KCTD16: variants seen among roughly 807,000 people sequenced by gnomAD.
KCTD16 encodes the protein potassium channel tetramerization domain containing 16, also known as BTB/POZ domain-containing protein KCTD16.
In KCTD16, 13 loss-of-function variants were observed where a neutral mutation model predicts 33.2. That is an observed-to-expected ratio of 0.39 (90% CI 0.25 to 0.62). The LOEUF (loss-of-function observed/expected upper bound fraction) is 0.62. Among genes scored for constraint, KCTD16 ranks in the 20% least tolerant of loss-of-function variants. KCTD16 has a pLI of 0.50. For missense variants in KCTD16, 441 were observed against 525.1 expected (o/e 0.84, Z 1.57); for synonymous variants, 197 against 195.3 (o/e 1.01, Z -0.07).
At chr5:144,329,448 T>G (rs1344693424) in intron 3 of KCTD16, among the ~76,000 whole-genome samples, 2 of 152,056 alleles carry the variant, frequency 1.3e-5, no homozygotes, top group African/African-American at 4.8e-5. Flanking sequence ...CCCAACACCA[T>G]AAAAAGTAAA....
Position 144,333,824 on chromosome 5 carries a change from G to C in KCTD16, c.832+126278G>C, listed in dbSNP as rs182017992. Among the ~76,000 whole-genome samples, 369 of 152,232 alleles carry C rather than the reference G, an allele frequency of 2.4e-3. 8 individuals are homozygous for C. Among genetic ancestry groups the C allele is most frequent in the Non-Finnish European group, 4.1e-4 (28 of 68,018 alleles). ...GTGCCCAAAGCATGTCACATGGCTG[G>C]TTCCAGAATCAGGACAGATGAAGAA... is the stretch of plus-strand genomic sequence containing the variant. On this transcript the variant is annotated intron_variant, in intron 3 of 3. Transcript: ENST00000512467.
chr5:144,320,501 C>T (rs1752042598), intron 3 of KCTD16, among the ~76,000 whole-genome samples: 1 of 151,954 alleles, frequency 6.6e-6, no homozygotes, highest in South Asian at 2.1e-4. Flanking sequence ...ATTTTAATTG[C>T]TACATATTTA....
intron 3 of KCTD16, among the ~76,000 whole-genome samples, chr5:144,368,254 A>G (rs915011761): frequency 3.3e-5 from 5 of 152,184 alleles, no homozygotes; most frequent in Admixed American, 3.3e-4. Context: ...TAAAATTATT[A>G]GTCAGTTGAC....
At chr5:144,301,514 T>C (rs971281378) in intron 3 of KCTD16, among the ~76,000 whole-genome samples, 1 of 152,200 alleles carries the variant, frequency 6.6e-6, no homozygotes, top group Non-Finnish European at 1.5e-5. Context: ...TAATTTTTGT[T>C]GTGCTTATAT....
chr5:144,324,431 T>G lies in KCTD16; in HGVS notation c.832+116885T>G, dbSNP rs149070235. 1.9e-4 allele frequency among the ~76,000 whole-genome samples: 29 copies of G among 152,278 alleles called. No homozygotes were observed. In the East Asian group the frequency reaches 4.8e-3, roughly 25 times the overall value. ...TATTAAAAAGTCAAGAACCAACAGA[T>G]GCTGGTGAGGCTGTGGAGAAATAGG... On this transcript the variant is annotated intron_variant, in intron 3 of 3. Coordinates refer to ENST00000512467, the MANE Select transcript of KCTD16 (RefSeq NM_020768.4).
At chr5:144,225,874 A>T (rs1347693795) in intron 3 of KCTD16, among the ~76,000 whole-genome samples, 2 of 152,176 alleles carry the variant, frequency 1.3e-5, no homozygotes, top group African/African-American at 2.4e-5. Context: ...TTTCATGTTA[A>T]TAACAGCTTT....
intron 3 of KCTD16, among the ~76,000 whole-genome samples, chr5:144,322,896 A>T (rs1470685108): frequency 6.6e-6 from 1 of 152,110 alleles, no homozygotes; most frequent in Non-Finnish European, 1.5e-5. Context: ...TCCAAATTAG[A>T]AGACTTTTCC....
intron 3 of KCTD16, among the ~76,000 whole-genome samples, chr5:144,291,948 G>T (rs1172428042): frequency 6.6e-6 from 1 of 152,158 alleles, no homozygotes; most frequent in Non-Finnish European, 1.5e-5. Context: ...CAAAATTAGG[G>T]TAATCATTAG....
In KCTD16 at chr5:144,482,562, T is replaced by G. The variant is rs2127008367; in HGVS notation, c.*8448T>G. 6.6e-6 allele frequency: 1 copy of G among 152,016 alleles called. No individual in the cohort carries two copies. Among genetic ancestry groups the G allele is most frequent in the Admixed American group, 6.6e-5 (1 of 15,234 alleles). 9.4% of individuals were successfully genotyped at this position (152,016 alleles called of 1,614,324 possible). A position where few individuals can be genotyped will look rare whatever the true frequency, so the allele number is the denominator to read the frequency against. ...CTTGTTAAACAGTCTCAGGTTTTTATTCAAGACAGGTCAAAAGCCCAAATG... is the reference window on the plus strand; with the variant it reads ...CTTGTTAAACAGTCTCAGGTTTTTAGTCAAGACAGGTCAAAAGCCCAAATG... On this transcript the variant is annotated 3_prime_UTR_variant, in exon 4 of 4. Coordinates refer to ENST00000512467, the MANE Select transcript of KCTD16 (RefSeq NM_020768.4).
At chr5:144,182,939 A>G (rs1580771612) in intron 2 of KCTD16, among the ~76,000 whole-genome samples, 1 of 152,172 alleles carries the variant, frequency 6.6e-6, no homozygotes, top group African/African-American at 2.4e-5. Context: ...TACACAGAGT[A>G]TCTTGTGAGA....
At chr5:144,241,425 T>A (rs998246277) in intron 3 of KCTD16, among the ~76,000 whole-genome samples, 1 of 152,234 alleles carries the variant, frequency 6.6e-6, no homozygotes, top group Non-Finnish European at 1.5e-5. Flanking sequence ...CTTTGGATTT[T>A]ACATAGAATG....
chr5:144,389,224 GC>G (rs1459528791), intron 3 of KCTD16, among the ~76,000 whole-genome samples: 4 of 152,294 alleles, frequency 2.6e-5, no homozygotes, highest in African/African-American at 9.6e-5. Context: ...CAACCCCCAG[GC>G]CACGGACCAG....
chr5:144,371,781 C>T (rs1751972470), intron 3 of KCTD16, among the ~76,000 whole-genome samples: 1 of 151,932 alleles, frequency 6.6e-6, no homozygotes, highest in African/African-American at 2.4e-5. Flanking sequence ...ATCAAAAACA[C>T]TTCTGTTCCT....
At chr5:144,332,067 A>G (rs1470349297) in intron 3 of KCTD16, among the ~76,000 whole-genome samples, 1 of 152,214 alleles carries the variant, frequency 6.6e-6, no homozygotes, top group East Asian at 1.9e-4. Context: ...GATTAAAGCA[A>G]CAGGTTTTAT....
At chr5:144,289,721 G>A (rs1421857986) in intron 3 of KCTD16, among the ~76,000 whole-genome samples, 1 of 151,636 alleles carries the variant, frequency 6.6e-6, no homozygotes, top group Non-Finnish European at 1.5e-5. Context: ...CTATTTCAAT[G>A]AAAATCAGAT....
intron 3 of KCTD16, among the ~76,000 whole-genome samples, chr5:144,471,203 C>A (rs1304490131): frequency 1.3e-5 from 2 of 152,058 alleles, no homozygotes; most frequent in East Asian, 1.9e-4. Context: ...CAAACAACAA[C>A]AAAAAACCCC....
chr5:144,399,458 T>A (rs1225650611), intron 3 of KCTD16, among the ~76,000 whole-genome samples: 2 of 152,170 alleles, frequency 1.3e-5, no homozygotes, highest in Non-Finnish European at 2.9e-5. Context: ...ATAGAATCAG[T>A]TTCCCATTAG....
In KCTD16 at chr5:144,206,844, A is replaced by G. The variant is rs1052898044; in HGVS notation, c.130A>G (p.Ile44Val). The part of the protein sequence containing the change: ...QVYFTRHSTL[I>V]SIPHSLLWKM... ...TTATTTTACTCGCCATTCCACATTG[A>G]TAAGCATCCCTCATTCCCTCCTGTG... The change falls in exon 3 of 4, where the codon ATA becomes GTA. Residue 44 changes from isoleucine to valine, a missense_variant. Transcript: ENST00000512467. The G allele has an allele frequency of 6.2e-7, 1 of 1,614,176 alleles. No homozygotes were observed. Among genetic ancestry groups the G allele is most frequent in the Non-Finnish European group, 8.5e-7 (1 of 1,180,034 alleles).
intron 2 of KCTD16, among the ~76,000 whole-genome samples, chr5:144,202,877 C>T (rs1753075720): frequency 6.6e-6 from 1 of 152,114 alleles, no homozygotes; most frequent in Non-Finnish European, 1.5e-5. Context: ...CAGAGTGTGT[C>T]TCTGTGAATG....
Sources: allele counts gnomAD v4.1 joint callset (sites outside exome capture counted in the v4.1 genomes callset), GRCh38; gene constraint gnomAD v4.1.1; transcripts MANE v1.5; gene names NCBI Gene and HGNC (gene_info 2026-07-23, HGNC 2026-07-21).